TYRP1: variants seen among roughly 807,000 people sequenced by gnomAD.
TYRP1 encodes the protein tyrosinase related protein 1, also known as 5,6-dihydroxyindole-2-carboxylic acid oxidase.
Under a neutral mutation model 42.8 loss-of-function variants are expected in TYRP1, and 49 were observed. That is an observed-to-expected ratio of 1.14 (90% CI 0.91 to 1.45). The LOEUF is 1.45. Ranked by LOEUF, TYRP1 falls within the 40% of genes most tolerant of loss-of-function variation. The probability of loss-of-function intolerance (pLI) is 0.00; values close to 1 mark genes in which losing one functional copy is unlikely to be tolerated. For synonymous variants in TYRP1, 279 were observed against 235.4 expected (o/e 1.19, Z -1.69); for missense variants, 848 against 662.0 (o/e 1.28, Z -3.08).
chr9:12,709,413 A>C lies in TYRP1; in HGVS notation c.*231A>C. On this transcript the variant is annotated 3_prime_UTR_variant, in exon 8 of 8. Transcript: ENST00000388918. ...AAAATGGTGAATGACACTAAACTCC[A>C]TGATATTTAAGGATAGTGTGAAGAT... 1 of 535,448 alleles carries C rather than the reference A, an allele frequency of 1.9e-6. No homozygotes were observed. The allele number at this position is 535,448 out of a possible 1,614,324, so 33.2% of individuals were successfully genotyped here. A position where few individuals can be genotyped will look rare whatever the true frequency, so the allele number is the denominator to read the frequency against.
Position 12,695,586 on chromosome 9 carries a change from C to T in TYRP1, c.457C>T (p.Arg153Cys), listed in dbSNP as rs146027807. The T allele has an allele frequency of 3.9e-4, 629 of 1,613,984 alleles. 1 individual carries two copies. The highest frequency in any genetic ancestry group is 4.9e-4 in the Non-Finnish European group (574 of 1,180,020). ...HFVRALDMAK[R>C]TTHPLFVIAT... ...TGTCCGGGCCCTGGATATGGCAAAG[C>T]GCACAACTCACCCTTTATTTGTCAT... is the stretch of plus-strand genomic sequence containing the variant. The change falls in exon 3 of 8, where the codon CGC (arginine) becomes TGC (cysteine). Residue 153 changes from arginine (R) to cysteine (C), a missense_variant. Physicochemically the swap from Arg to Cys is radical, Grantham distance 180. Transcript: ENST00000388918.
rs761590226 is a variant in TYRP1, at chr9:12,704,616, C to T, written c.1172C>T (p.Thr391Ile). Residue 391 changes from threonine (T) to isoleucine (I), a missense_variant, in exon 6 of 8, where the codon ACC becomes ATC. By Grantham distance (89) the Thr-to-Ile change is moderately conservative. Transcript: ENST00000388918. ...TTCCTGAATGGAACAGGGGGACAAA[C>T]CCATTTGTCTCCAAATGATCCTATT... ...HLFLNGTGGQ[T>I]HLSPNDPIFV... 1.4e-5 allele frequency: 22 copies of T among 1,612,794 alleles called. No individual in the cohort carries two copies. The highest frequency in any genetic ancestry group is 2.2e-5 in the South Asian group (2 of 91,070).
At position 12,708,000 on chromosome 9, in the gene TYRP1, T is replaced by G; in HGVS notation, c.1265T>G (p.Ile422Arg). ...DEWLRRYNADISTFPLENAPI... is the reference protein window; with the variant it reads ...DEWLRRYNADRSTFPLENAPI... ...CGTTGTCTTTGGAATAATTTAGATATATCCACATTTCCATTGGAAAATGCC... is the reference window on the plus strand; with the variant it reads ...CGTTGTCTTTGGAATAATTTAGATAGATCCACATTTCCATTGGAAAATGCC... The change falls in exon 7 of 8, where the codon ATA becomes AGA. Residue 422 changes from isoleucine (I) to arginine (R), a missense_variant. Ile to Arg is a moderately conservative substitution (Grantham distance 97). Transcript: ENST00000388918. 1 of 1,610,688 alleles carries G rather than the reference T, an allele frequency of 6.2e-7. No homozygotes were observed.
At chr9:12,708,882 T>C in intron 7 of TYRP1, 95 bp from the exon 8 acceptor site, 1 of 1,176,438 alleles carries the variant, frequency 8.5e-7, no homozygotes, top group South Asian at 1.3e-5. Flanking sequence ...TGAGGATTTC[T>C]GTTAAAATAG....
At chr9:12,695,933 A>G in intron 3 of TYRP1, 96 bp downstream of exon 3, 2 of 1,386,354 alleles carry the variant, frequency 1.4e-6, no homozygotes, top group Non-Finnish European at 2.0e-6. Flanking sequence ...TCATCAGAAC[A>G]TTTGATGAAA....
At chr9:12,705,168 A>G (rs927322677) in intron 6 of TYRP1, among the ~76,000 whole-genome samples, 3 of 152,006 alleles carry the variant, frequency 2.0e-5, no homozygotes, top group Non-Finnish European at 4.4e-5. Context: ...GTTCCACTTG[A>G]AAAGTTAATG....
At chr9:12,705,875 T>A (rs1023372998) in intron 6 of TYRP1, among the ~76,000 whole-genome samples, 1 of 151,968 alleles carries the variant, frequency 6.6e-6, no homozygotes, top group African/African-American at 2.4e-5. Context: ...GTTATTGCAG[T>A]TTCATCTCAT....
rs1308213180 is a variant in TYRP1 at position 12,709,416 on chromosome 9, A to G, written c.*234A>G. The G allele has an allele frequency of 1.9e-6, 1 of 526,274 alleles. No individual in the cohort carries two copies. The highest frequency in any genetic ancestry group is 1.9e-5 in the African/African-American group (1 of 52,132). 32.6% of individuals were successfully genotyped at this position (526,274 alleles called of 1,614,324 possible). A position where few individuals can be genotyped will look rare whatever the true frequency, so the allele number is the denominator to read the frequency against. ...ATGGTGAATGACACTAAACTCCATG[A>G]TATTTAAGGATAGTGTGAAGATCTT... is the stretch of plus-strand genomic sequence containing the variant. On this transcript the variant is annotated 3_prime_UTR_variant, in exon 8 of 8. Transcript: ENST00000388918.
In TYRP1 at chr9:12,695,799, C is replaced by A; in HGVS notation, c.670C>A (p.His224Asn). Residue 224 changes from histidine to asparagine, a missense_variant, in exon 3 of 8, where the codon CAC becomes AAC. Transcript: ENST00000388918. ...SHEGPAFLTW[H>N]RYHLLRLEKD... ...TGAGGGACCAGCTTTTCTCACATGG[C>A]ACAGGTACCACCTCCTGCGTCTGGA... 6.2e-7 allele frequency: 1 copy of A among 1,614,128 alleles called. No individual in the cohort carries two copies. The highest frequency in any genetic ancestry group is 1.6e-4 in the Middle Eastern group (1 of 6,062).
At chr9:12,699,957 A>G (rs980282607) in intron 4 of TYRP1, 23 of 152,100 alleles carry the variant, frequency 1.5e-4, no homozygotes, top group African/African-American at 5.3e-4. Context: ...TTTCTTGTCA[A>G]TTAATATAAC....
intron 2 of TYRP1, 53 bp downstream of exon 2, chr9:12,694,434 T>C (rs1034559760): frequency 6.3e-7 from 1 of 1,596,830 alleles, no homozygotes. Flanking sequence ...TCAAGGCTCT[T>C]AATAAAATCT....
At position 12,709,012 on chromosome 9, in the gene TYRP1, G is replaced by C. The variant is rs1276082005; in HGVS notation, c.1444G>C (p.Ala482Pro). Residue 482 changes from alanine to proline, a missense_variant, in exon 8 of 8, where the codon GCA becomes CCA. Coordinates refer to ENST00000388918, the MANE Select transcript of TYRP1 (RefSeq NM_000550.3). The part of the protein sequence containing the change: ...EFSVPEIIAI[A>P]VVGALLLVAL... ...TAGTGTACCTGAGATAATTGCCATA[G>C]CAGTAGTTGGCGCTTTGTTACTGGT... The C allele has an allele frequency of 1.9e-6, 3 of 1,612,486 alleles. No homozygotes were observed. In the African/African-American group the frequency reaches 4.0e-5, roughly 22 times the overall value.
rs2118284095 is a variant in TYRP1, at chr9:12,710,259, T to TAATAATA, written c.*1082_*1083insTAAATAA. 1 of 151,198 alleles carries TAATAATA rather than the reference T, an allele frequency of 6.6e-6. No homozygotes were observed. 9.4% of individuals were successfully genotyped at this position (151,198 alleles called of 1,614,324 possible). ...TTTAATTAAAATTGGTAAAAATAAA[T>TAATAATA]AATAACAGTAATAATCATGCACTAT... On this transcript the variant is annotated 3_prime_UTR_variant, in exon 8 of 8. Coordinates refer to ENST00000388918, the MANE Select transcript of TYRP1 (RefSeq NM_000550.3).
At chr9:12,704,120 C>T (rs1316466691) in intron 5 of TYRP1, among the ~76,000 whole-genome samples, 3 of 152,046 alleles carry the variant, frequency 2.0e-5, no homozygotes, top group Non-Finnish European at 4.4e-5. Flanking sequence ...GAAGTAACAT[C>T]TGGCAACTTA....
chr9:12,698,937 T>C (rs962313997), intron 4 of TYRP1, among the ~76,000 whole-genome samples: 23 of 152,148 alleles, frequency 1.5e-4, no homozygotes, highest in African/African-American at 5.3e-4. Flanking sequence ...TGTCTAGTTG[T>C]ATAAACTAAT....
rs1563858026 is a variant in TYRP1, at chr9:12,708,091, G to A, written c.1356G>A (p.Met452Ile). ...GGCCCCCAGTCACCAACACAGAAAT[G>A]TTTGTTACTGCTCCAGACAACCTGG... Reference protein sequence around the residue: ...PFWPPVTNTEMFVTAPDNLGY... With the variant: ...PFWPPVTNTEIFVTAPDNLGY... The change falls in exon 7 of 8, where the codon ATG becomes ATA. Residue 452 changes from methionine (M) to isoleucine (I), a missense_variant. Transcript: ENST00000388918. 6.2e-7 allele frequency: 1 copy of A among 1,612,830 alleles called. No individual in the cohort carries two copies.
chr9:12,707,795 T>C, intron 6 of TYRP1: 1 of 555,936 alleles, frequency 1.8e-6, no homozygotes, highest in Non-Finnish European at 3.1e-6. Flanking sequence ...TTAAGTGGTA[T>C]ATTGGTACTG....
intron 3 of TYRP1, among the ~76,000 whole-genome samples, chr9:12,698,021 T>C (rs1236713794): frequency 1.3e-5 from 2 of 152,122 alleles, no homozygotes; most frequent in Non-Finnish European, 2.9e-5. Context: ...AAACATATTT[T>C]AAGGCTGGAT....
In TYRP1 at chr9:12,698,542, G is replaced by C; in HGVS notation, c.800G>C (p.Gly267Ala). Residue 267 changes from glycine to alanine, a missense_variant, in exon 4 of 8, where the codon GGA becomes GCA. Physicochemically the swap from Gly to Ala is moderately conservative, Grantham distance 60. Coordinates refer to ENST00000388918, the MANE Select transcript of TYRP1 (RefSeq NM_000550.3). ...VCDICTDDLM[G>A]SRSNFDSTLI... Reference sequence around the variant, plus strand: ...GATATCTGCACGGATGACTTGATGGGATCCAGAAGCAACTTTGATTCCACT... The same window carrying C: ...GATATCTGCACGGATGACTTGATGGCATCCAGAAGCAACTTTGATTCCACT... The C allele has an allele frequency of 6.2e-7, 1 of 1,613,772 alleles. No homozygotes were observed. Among genetic ancestry groups the C allele is most frequent in the Non-Finnish European group, 8.5e-7 (1 of 1,179,822 alleles).
Sources: allele counts gnomAD v4.1 joint callset (sites outside exome capture counted in the v4.1 genomes callset), GRCh38; gene constraint gnomAD v4.1.1; transcripts MANE v1.5; gene names NCBI Gene and HGNC (gene_info 2026-07-23, HGNC 2026-07-21).